ENDOD1: variants seen among roughly 807,000 people sequenced by gnomAD.
The protein encoded by ENDOD1 is endonuclease domain-containing 1 protein.
In ENDOD1, 9 loss-of-function variants were observed where a neutral mutation model predicts 6.5. The observed-to-expected ratio is 1.39, with a 90% CI of 0.84 to 2.43. The LOEUF is 2.43. Among genes scored for constraint, ENDOD1 ranks in the 30% most tolerant of loss-of-function variants. The probability of loss-of-function intolerance (pLI) is 0.00; values close to 1 mark genes in which losing one functional copy is unlikely to be tolerated. For synonymous variants in ENDOD1, 255 were observed against 255.2 expected, an observed-to-expected ratio of 1.00 and a Z score of 0.01; for missense variants, 648 against 635.5, an observed-to-expected ratio of 1.02 and a Z score of -0.21.
At chr11:95,092,706 G>A (rs2134159881) in intron 1 of ENDOD1, among the ~76,000 whole-genome samples, 1 of 152,240 alleles carries the variant, frequency 6.6e-6, no homozygotes, top group African/African-American at 2.4e-5. Context: ...GGGAGAGAGG[G>A]AGGGAGGAGG....
At chr11:95,105,158 A>G (rs1459644643) in intron 1 of ENDOD1, among the ~76,000 whole-genome samples, 1 of 152,212 alleles carries the variant, frequency 6.6e-6, no homozygotes, top group African/African-American at 2.4e-5. Context: ...CTGGAAACAG[A>G]TGGCACTCTC....
chr11:95,128,209 G>C (rs536312932), intron 1 of ENDOD1, among the ~76,000 whole-genome samples, 168 bp from the exon 2 acceptor site: 2 of 152,264 alleles, frequency 1.3e-5, no homozygotes, highest in Non-Finnish European at 2.9e-5. Context: ...CAGGATTTTG[G>C]TATATCAGAA....
At chr11:95,107,157 G>C (rs1555111483) in intron 1 of ENDOD1, among the ~76,000 whole-genome samples, 1 of 151,540 alleles carries the variant, frequency 6.6e-6, no homozygotes, top group Admixed American at 6.6e-5. Context: ...ACACCCTGAT[G>C]CTGGGGTTGG....
At position 95,113,584 on chromosome 11, in the gene ENDOD1, C is replaced by CT. The variant is rs1378702410; in HGVS notation, c.301-14787dup. Reference sequence around the variant, plus strand: ...TTGTTGCAAATGACAGGAATTCATTCTTTTTTATGGCTGAATAGTACTTCA... The same window carrying CT: ...TTGTTGCAAATGACAGGAATTCATTCTTTTTTTATGGCTGAATAGTACTTCA... On this transcript the variant is annotated intron_variant, in intron 1 of 1. Transcript: ENST00000278505. Among the ~76,000 whole-genome samples, 3 of 152,118 alleles carry CT rather than the reference C, an allele frequency of 2.0e-5. No homozygotes were observed. The East Asian group carries it at 5.8e-4, about 29-fold the overall frequency.
In ENDOD1 at chr11:95,131,088, C is replaced by T. The variant is rs1859366309; in HGVS notation, c.*1509C>T. On this transcript the variant is annotated 3_prime_UTR_variant, in exon 2 of 2. Coordinates refer to ENST00000278505, the MANE Select transcript of ENDOD1 (RefSeq NM_015036.3). Reference sequence around the variant, plus strand: ...AGAAACATGAGCGTAGCAAGAGTTACATTTTGCAGAAAAATAGCGGAGGCA... The same window carrying T: ...AGAAACATGAGCGTAGCAAGAGTTATATTTTGCAGAAAAATAGCGGAGGCA... 6.6e-6 allele frequency: 1 copy of T among 152,236 alleles called. No homozygotes were observed. Among genetic ancestry groups the T allele is most frequent in the African/African-American group, 2.4e-5 (1 of 41,458 alleles). 9.4% of individuals were successfully genotyped at this position (152,236 alleles called of 1,614,324 possible). A position where few individuals can be genotyped will look rare whatever the true frequency, so the allele number is the denominator to read the frequency against.
At chr11:95,105,196 G>A (rs1250613829) in intron 1 of ENDOD1, among the ~76,000 whole-genome samples, 1 of 152,168 alleles carries the variant, frequency 6.6e-6, no homozygotes, top group Non-Finnish European at 1.5e-5. Context: ...AGGGTTTAAT[G>A]AGGAAACTAC....
rs782572035 is a variant in ENDOD1 at position 95,090,191 on chromosome 11, C to T, written c.264C>T (p.Pro88=). 64 of 1,418,368 alleles carry T rather than the reference C, an allele frequency of 4.5e-5. No homozygotes were observed. The highest frequency in any genetic ancestry group is 7.4e-5 in the African/African-American group (5 of 67,584). The allele number at this position is 1,418,368 out of a possible 1,614,324, so 87.9% of individuals were successfully genotyped here. ...YSAFRAPRPA[P]GGAEQRWLVE... ...CGTTCCGCGCCCCGCGCCCTGCGCC[C>T]GGCGGCGCCGAGCAGCGATGGCTGG... is the stretch of plus-strand genomic sequence containing the variant. Residue 88 remains proline (P), a synonymous_variant, in exon 1 of 2, where the codon CCC becomes CCT. Coordinates refer to ENST00000278505, the MANE Select transcript of ENDOD1 (RefSeq NM_015036.3).
At chr11:95,100,955 C>A (rs1859034343) in intron 1 of ENDOD1, among the ~76,000 whole-genome samples, 1 of 126,078 alleles carries the variant, frequency 7.9e-6, no homozygotes, top group Non-Finnish European at 1.6e-5. Context: ...ACACACCTTT[C>A]TTTGCTAATA....
chr11:95,127,855 G>A (rs1347634596), intron 1 of ENDOD1, among the ~76,000 whole-genome samples: 1 of 151,978 alleles, frequency 6.6e-6, no homozygotes, highest in Admixed American at 6.5e-5. Context: ...TGCCTCCCCG[G>A]TTCAAGTGAT....
At chr11:95,090,303 C>A in intron 1 of ENDOD1, 76 bp downstream of exon 1, 2 of 1,343,946 alleles carry the variant, frequency 1.5e-6, no homozygotes, top group Admixed American at 3.8e-5. Context: ...GTTGCAGCTA[C>A]CGCGAGGGGC....
Position 95,129,408 on chromosome 11 carries a change from C to A in ENDOD1, c.1332C>A (p.Thr444=). The change falls in exon 2 of 2, where the codon ACC becomes ACA. Residue 444 remains threonine (T), a synonymous_variant. Coordinates refer to ENST00000278505, the MANE Select transcript of ENDOD1 (RefSeq NM_015036.3). ...LVDVATFPVY[T]MGAIPIVCKD... is the part of the protein sequence containing the mutation. Reference sequence around the variant, plus strand: ...ATGTGGCCACTTTCCCTGTGTACACCATGGGCGCTATTCCAATTGTTTGCA... The same window carrying A: ...ATGTGGCCACTTTCCCTGTGTACACAATGGGCGCTATTCCAATTGTTTGCA... 3.7e-6 allele frequency: 6 copies of A among 1,614,162 alleles called. No individual in the cohort carries two copies. Among genetic ancestry groups the A allele is most frequent in the Non-Finnish European group, 5.1e-6 (6 of 1,180,016 alleles).
At chr11:95,091,914 A>T (rs1858935222) in intron 1 of ENDOD1, among the ~76,000 whole-genome samples, 1 of 152,204 alleles carries the variant, frequency 6.6e-6, no homozygotes, top group Non-Finnish European at 1.5e-5. Context: ...ATAATAGCAT[A>T]GGGTGGTGTG....
rs570877371 is a variant in ENDOD1, at chr11:95,128,976, G to T, written c.900G>T (p.Lys300Asn). 9 of 1,614,022 alleles carry T rather than the reference G, an allele frequency of 5.6e-6. No individual in the cohort carries two copies. The Admixed American group carries it at 1.5e-4, about 27-fold the overall frequency. ...AAGAACGAATGGTACAATCTCAAAA[G>T]AGTTCTAGTCCCCTTTCTAGCACCA... is the stretch of plus-strand genomic sequence containing the variant. ...QDEERMVQSQ[K>N]SSSPLSSTRS... Residue 300 changes from lysine to asparagine, a missense_variant, in exon 2 of 2, where the codon AAG becomes AAT. By Grantham distance (94) the Lys-to-Asn change is moderately conservative. Coordinates refer to ENST00000278505, the MANE Select transcript of ENDOD1 (RefSeq NM_015036.3).
intron 1 of ENDOD1, among the ~76,000 whole-genome samples, chr11:95,118,539 G>A (rs1440384558): frequency 2.6e-5 from 4 of 152,126 alleles, no homozygotes; most frequent in African/African-American, 9.7e-5. Flanking sequence ...CAGGCATATT[G>A]GAGCTCCATT....
At chr11:95,094,023 G>T (rs186706662) in intron 1 of ENDOD1, among the ~76,000 whole-genome samples, 146 of 152,056 alleles carry the variant, frequency 9.6e-4, no homozygotes, top group Middle Eastern at 6.9e-3. Flanking sequence ...TTTTAGATAA[G>T]ATGCCAATGA....
At chr11:95,122,926 C>T (rs1163123658) in intron 1 of ENDOD1, among the ~76,000 whole-genome samples, 15 of 152,240 alleles carry the variant, frequency 9.9e-5, no homozygotes, top group South Asian at 6.2e-4. Flanking sequence ...CCATGGCTCA[C>T]GCCTGTAATC....
chr11:95,103,824 C>T (rs1366725670), intron 1 of ENDOD1, among the ~76,000 whole-genome samples: 3 of 152,192 alleles, frequency 2.0e-5, no homozygotes, highest in Non-Finnish European at 2.9e-5. Context: ...AAGCAGTTTG[C>T]ATTGTGCCTA....
Position 95,128,358 on chromosome 11 carries a change from A to G in ENDOD1, c.301-19A>G. 6.2e-7 allele frequency: 1 copy of G among 1,601,776 alleles called. No individual in the cohort carries two copies. The highest frequency in any genetic ancestry group is 8.5e-7 in the Non-Finnish European group (1 of 1,173,910). ...GCTGTAAGCAGGGATGCATCTCACC[A>G]CTTGTTTTCTTCTTGCAGATCGATG... On this transcript the variant is annotated intron_variant, in intron 1 of 1. Coordinates refer to ENST00000278505, the MANE Select transcript of ENDOD1 (RefSeq NM_015036.3).
chr11:95,092,389 A>G (rs923785150), intron 1 of ENDOD1, among the ~76,000 whole-genome samples: 4 of 152,146 alleles, frequency 2.6e-5, no homozygotes, highest in African/African-American at 9.7e-5. Context: ...GTAAAGGAGC[A>G]TAGTTTGACA....
Sources: gnomAD v4.1 joint callset for allele counts (sites outside exome capture counted in the v4.1 genomes callset) on GRCh38, gnomAD v4.1.1 for gene constraint, MANE v1.5 for transcripts, NCBI Gene and HGNC (gene_info 2026-07-23, HGNC 2026-07-21) for gene names.